PPP2R2B: variants seen among roughly 807,000 people sequenced by gnomAD.
The protein encoded by PPP2R2B is protein phosphatase 2 regulatory subunit Bbeta.
In PPP2R2B, 5 loss-of-function variants were observed where a neutral mutation model predicts 46.0. That is an observed-to-expected ratio of 0.11 (90% CI 0.06 to 0.23). The LOEUF (loss-of-function observed/expected upper bound fraction) is 0.23, where lower values mean the gene tolerates loss of function less well. Ranked by LOEUF, PPP2R2B falls within the 10% of genes least tolerant of loss-of-function variation. The pLI, the probability that PPP2R2B is intolerant of heterozygous loss-of-function variation, is 1.00. For synonymous variants in PPP2R2B, 215 were observed against 206.7 expected, an observed-to-expected ratio of 1.04 and a Z score of -0.34; for missense variants, 367 against 575.0, an observed-to-expected ratio of 0.64 and a Z score of 3.70.
chr5:146,826,855 A>C (rs1261131969), intron 2 of PPP2R2B, among the ~76,000 whole-genome samples: 1 of 152,046 alleles, frequency 6.6e-6, no homozygotes, highest in Non-Finnish European at 1.5e-5. Flanking sequence ...TACACCATAC[A>C]TCTGTCAACA....
Position 146,581,220 on chromosome 5 carries a change from T to C in PPP2R2B, c.*8727A>G, listed in dbSNP as rs956121592. 8.5e-5 allele frequency: 13 copies of C among 152,162 alleles called. No individual in the cohort carries two copies. The highest frequency in any genetic ancestry group is 2.0e-4 in the Admixed American group (3 of 15,274). 9.4% of individuals were successfully genotyped at this position (152,162 alleles called of 1,614,324 possible). On this transcript the variant is annotated 3_prime_UTR_variant, in exon 10 of 10. Transcript: ENST00000394411. ...AGCATGGTGCTGACATCTGCTCAGC[T>C]TCTGGAGAGGCCTCTGGATACTTAC...
chr5:146,978,290 A>T (rs1199435028), intron 1 of PPP2R2B, among the ~76,000 whole-genome samples: 2 of 152,142 alleles, frequency 1.3e-5, no homozygotes, highest in Admixed American at 1.3e-4. Context: ...AGATGGATAG[A>T]CTGCAAAAAT....
chr5:146,643,401 AT>A (rs1775359580), intron 6 of PPP2R2B, among the ~76,000 whole-genome samples: 1 of 152,228 alleles, frequency 6.6e-6, no homozygotes, highest in African/African-American at 2.4e-5. Flanking sequence ...AATGAGTATT[AT>A]ACACAGTATA....
rs115169556 is a variant in PPP2R2B, at chr5:146,642,377, G to A, written c.626-3962C>T. ...ATGGCAGGATGGTAAGAGGTAGCAT[G>A]GGGGCCATTCAAACATCATTTCCTA... is the stretch of plus-strand genomic sequence containing the variant. On this transcript the variant is annotated intron_variant, in intron 6 of 9. Transcript: ENST00000394411. Among the ~76,000 whole-genome samples the A allele has an allele frequency of 2.9e-3, 442 of 152,290 alleles. 2 individuals are homozygous for A. Among genetic ancestry groups the A allele is most frequent in the African/African-American group, 0.01 (422 of 41,564 alleles).
At chr5:146,808,536 G>C (rs1273367276) in intron 2 of PPP2R2B, among the ~76,000 whole-genome samples, 1 of 152,150 alleles carries the variant, frequency 6.6e-6, no homozygotes, top group Non-Finnish European at 1.5e-5. Context: ...TGGAAAGGAA[G>C]AACTGACCAA....
At chr5:147,005,671 C>CAGAG (rs750474374) in intron 1 of PPP2R2B, among the ~76,000 whole-genome samples, 1 of 150,372 alleles carries the variant, frequency 6.7e-6, no homozygotes, top group Non-Finnish European at 1.5e-5. Context: ...GACAGGAAGT[C>CAGAG]AGAGAGAGAG....
chr5:146,602,987 C>G (rs2151021593), intron 7 of PPP2R2B, among the ~76,000 whole-genome samples: 1 of 152,268 alleles, frequency 6.6e-6, no homozygotes, highest in Admixed American at 6.5e-5. Flanking sequence ...ACACCTGATC[C>G]AGAGGCAGTA....
chr5:146,808,462 G>C (rs1757326024), intron 2 of PPP2R2B, among the ~76,000 whole-genome samples: 1 of 152,132 alleles, frequency 6.6e-6, no homozygotes, highest in South Asian at 2.1e-4. Flanking sequence ...AAGCTCTACT[G>C]TTAAATGCAC....
At chr5:147,028,468 A>T (rs1412739301) in intron 1 of PPP2R2B, among the ~76,000 whole-genome samples, 1 of 152,170 alleles carries the variant, frequency 6.6e-6, no homozygotes, top group African/African-American at 2.4e-5. Context: ...AGCAAACACC[A>T]TCGTAACTTC....
intron 2 of PPP2R2B, among the ~76,000 whole-genome samples, chr5:146,762,189 T>C (rs1429891560): frequency 1.3e-5 from 2 of 152,206 alleles, no homozygotes; most frequent in African/African-American, 4.8e-5. Context: ...GTTACTGATA[T>C]TGGCTAAAAC....
intron 1 of PPP2R2B, among the ~76,000 whole-genome samples, chr5:146,975,422 T>C (rs1752854418): frequency 1.3e-5 from 2 of 152,270 alleles, no homozygotes; most frequent in South Asian, 4.1e-4. Context: ...GACATTTGTG[T>C]TGCTTTCAAC....
At chr5:146,864,740 G>A (rs752287073) in intron 2 of PPP2R2B, among the ~76,000 whole-genome samples, 1 of 152,118 alleles carries the variant, frequency 6.6e-6, no homozygotes, top group Non-Finnish European at 1.5e-5. Context: ...GGAGCTTTGC[G>A]GGGTAGAAGG....
At chr5:146,842,893 A>G (rs1759750026) in intron 2 of PPP2R2B, among the ~76,000 whole-genome samples, 1 of 152,156 alleles carries the variant, frequency 6.6e-6, no homozygotes, top group Non-Finnish European at 1.5e-5. Context: ...TTTCTGTTCT[A>G]ATACTTTAAA....
intron 1 of PPP2R2B, among the ~76,000 whole-genome samples, chr5:147,016,389 A>G (rs1221280707): frequency 2.0e-5 from 3 of 151,090 alleles, no homozygotes; most frequent in African/African-American, 7.3e-5. Context: ...CTAACAAGTA[A>G]CTCTATTCCT....
In PPP2R2B at chr5:146,588,900, A is replaced by C. The variant is rs1378805085; in HGVS notation, c.*1047T>G. ...TTTGTTCTAGGTACAATGGAGGTTG[A>C]TGGATTGTTACTTTTGGTTACCAAA... On this transcript the variant is annotated 3_prime_UTR_variant, in exon 10 of 10. Transcript: ENST00000394411. 6.6e-6 allele frequency: 1 copy of C among 152,138 alleles called. No individual in the cohort carries two copies. Among genetic ancestry groups the C allele is most frequent in the African/African-American group, 2.4e-5 (1 of 41,422 alleles). 9.4% of individuals were successfully genotyped at this position (152,138 alleles called of 1,614,324 possible).
At chr5:147,016,088 C>T (rs1754991028) in intron 1 of PPP2R2B, among the ~76,000 whole-genome samples, 2 of 151,470 alleles carry the variant, frequency 1.3e-5, no homozygotes, top group Non-Finnish European at 2.9e-5. Flanking sequence ...AAAAGTTGGC[C>T]CAGCACAGAG....
At position 146,581,956 on chromosome 5, in the gene PPP2R2B, G is replaced by C. The variant is rs1769915071; in HGVS notation, c.*7991C>G. 6.6e-6 allele frequency: 1 copy of C among 152,140 alleles called. No individual in the cohort carries two copies. The highest frequency in any genetic ancestry group is 2.4e-5 in the African/African-American group (1 of 41,402). The allele number at this position is 152,140 out of a possible 1,614,324, so 9.4% of individuals were successfully genotyped here. On this transcript the variant is annotated 3_prime_UTR_variant, in exon 10 of 10. Transcript: ENST00000394411. ...AAGTTTATCTTATTGGAGTGAATTG[G>C]GCATGTAGAATAAAATCCAGCATTC...
intron 1 of PPP2R2B, among the ~76,000 whole-genome samples, chr5:146,970,602 AC>A (rs1368897214): frequency 6.6e-6 from 1 of 152,034 alleles, no homozygotes; most frequent in African/African-American, 2.4e-5. Flanking sequence ...GTCTCAAAAA[AC>A]AAAAAAAAGA....
At chr5:147,067,040 G>A (rs1012237879) in intron 2 of PPP2R2B, among the ~76,000 whole-genome samples, 2 of 152,096 alleles carry the variant, frequency 1.3e-5, no homozygotes, top group South Asian at 2.1e-4. Context: ...TCTGCTAGAC[G>A]GTCAGGAGGT....
Sources: gnomAD v4.1 joint callset for allele counts (sites outside exome capture counted in the v4.1 genomes callset) on GRCh38, gnomAD v4.1.1 for gene constraint, MANE v1.5 for transcripts, NCBI Gene and HGNC (gene_info 2026-07-23, HGNC 2026-07-21) for gene names.